The following SDK1 variants were observed in gnomAD, a reference collection of about 807,000 sequenced individuals.
SDK1 encodes protein sidekick-1.
A neutral mutation model predicts 245.5 loss-of-function variants in SDK1; 157 were observed. The observed-to-expected ratio is 0.64, with a 90% CI of 0.56 to 0.73. SDK1 has a LOEUF of 0.73. Ranked by LOEUF, SDK1 falls within the 30% of genes least tolerant of loss-of-function variation. The pLI is 0.00. For missense variants in SDK1, 3,583 were observed against 3,002.3 expected, an observed-to-expected ratio of 1.19 and a Z score of -4.52; for synonymous variants, 1,647 against 1,278.5, an observed-to-expected ratio of 1.29 and a Z score of -6.15.
intron 20 of SDK1, among the ~76,000 whole-genome samples, chr7:4,073,991 C>T (rs1204847025): frequency 2.0e-5 from 3 of 152,136 alleles, no homozygotes; most frequent in African/African-American, 7.2e-5. Context: ...CACAGTCTTC[C>T]CGGACATCGC....
chr7:3,713,612 A>C (rs111624250), intron 4 of SDK1, among the ~76,000 whole-genome samples: 132 of 152,302 alleles, frequency 8.7e-4, no homozygotes, highest in African/African-American at 3.2e-3. Context: ...CTTTTCAAGA[A>C]TACGTCAGTT....
intron 1 of SDK1, among the ~76,000 whole-genome samples, chr7:3,550,101 T>C (rs1779351296): frequency 6.6e-6 from 1 of 152,132 alleles, no homozygotes; most frequent in African/African-American, 2.4e-5. Context: ...ATCATATACA[T>C]GGGCATGCAT....
rs1260655992 is a variant in SDK1 at position 4,106,407 on chromosome 7, C to T, written c.3325-4256C>T. ...TAAGCTCTGCCTCCTGGGTTCATGC[C>T]ATTCTCCTGCCTCAGCCTCCCAAGT... is the stretch of plus-strand genomic sequence containing the variant. On this transcript the variant is annotated intron_variant, in intron 22 of 44. Coordinates refer to ENST00000404826, the MANE Select transcript of SDK1 (RefSeq NM_152744.4). Among the ~76,000 whole-genome samples the T allele has an allele frequency of 2.0e-5, 3 of 151,748 alleles. No homozygotes were observed. In the East Asian group the frequency reaches 5.8e-4, roughly 29 times the overall value.
chr7:3,957,436 C>T (rs551744105), intron 7 of SDK1, among the ~76,000 whole-genome samples: 1 of 152,320 alleles, frequency 6.6e-6, no homozygotes, highest in East Asian at 1.9e-4. Context: ...TTCAGTGTTA[C>T]AGTGTTACTT....
In SDK1 at chr7:3,776,237, C is replaced by G. The variant is rs113322500; in HGVS notation, c.714-45213C>G. ...TCTTCAGAAGAGAGAAACTTGTAAG[C>G]AGACATTGTCAATTTGGTGTGCAAA... On this transcript the variant is annotated intron_variant, in intron 4 of 44. Transcript: ENST00000404826. Among the ~76,000 whole-genome samples the G allele has an allele frequency of 6.8e-3, 1,030 of 152,306 alleles. 16 individuals are homozygous for G. The highest frequency in any genetic ancestry group is 0.023 in the African/African-American group (956 of 41,552).
intron 4 of SDK1, among the ~76,000 whole-genome samples, chr7:3,784,616 A>T (rs1296015845): frequency 2.2e-4 from 33 of 152,248 alleles, no homozygotes; most frequent in Non-Finnish European, 2.9e-5. Context: ...AGAAATGGTC[A>T]CATCAGAAAT....
chr7:3,813,143 G>A (rs1779425316), intron 4 of SDK1, among the ~76,000 whole-genome samples: 1 of 150,196 alleles, frequency 6.7e-6, no homozygotes, highest in Admixed American at 6.6e-5. Context: ...TAAGTTTTAG[G>A]GTACATGTGC....
At chr7:4,228,833 C>G (rs980060053) in intron 40 of SDK1, among the ~76,000 whole-genome samples, 1 of 152,136 alleles carries the variant, frequency 6.6e-6, no homozygotes, top group Non-Finnish European at 1.5e-5. Context: ...CCACTGCACC[C>G]GGCCCTTGCT....
intron 5 of SDK1, among the ~76,000 whole-genome samples, chr7:3,903,902 G>A (rs1443603069): frequency 6.6e-6 from 1 of 152,010 alleles, no homozygotes; most frequent in Non-Finnish European, 1.5e-5. Context: ...AAAGAGCCTT[G>A]CACCTCCTAG....
chr7:3,655,320 C>G (rs1344082790), intron 4 of SDK1, among the ~76,000 whole-genome samples: 3 of 150,664 alleles, frequency 2.0e-5, no homozygotes, highest in African/African-American at 7.3e-5. Context: ...GTAATCCCAG[C>G]TACTCGGGAG....
At chr7:4,113,174 T>C (rs926323128) in intron 23 of SDK1, 115 bp from the exon 24 acceptor site, 5 of 1,085,894 alleles carry the variant, frequency 4.6e-6, no homozygotes, top group Non-Finnish European at 5.3e-6. Flanking sequence ...CTTTATGATA[T>C]GAGTAGACAC....
chr7:3,570,750 T>C (rs1341178054), intron 1 of SDK1, among the ~76,000 whole-genome samples: 3 of 152,220 alleles, frequency 2.0e-5, no homozygotes, highest in Non-Finnish European at 4.4e-5. Context: ...TTTACTGCAC[T>C]GATGGGTCCC....
intron 4 of SDK1, among the ~76,000 whole-genome samples, chr7:3,681,343 C>A (rs1006192859): frequency 7.2e-5 from 11 of 152,042 alleles, no homozygotes; most frequent in African/African-American, 2.7e-4. Flanking sequence ...TGTGTGTACA[C>A]CCCAGTGAGT....
At chr7:3,313,864 C>G (rs58843670) in intron 1 of SDK1, among the ~76,000 whole-genome samples, 2,970 of 152,178 alleles carry the variant, frequency 0.02, 102 homozygotes, top group African/African-American at 0.068. Flanking sequence ...CTCTATTTAG[C>G]CATTTCACAA....
chr7:3,489,463 C>G (rs1285017700), intron 1 of SDK1, among the ~76,000 whole-genome samples: 1 of 152,048 alleles, frequency 6.6e-6, no homozygotes, highest in Non-Finnish European at 1.5e-5. Context: ...TATATTTTTA[C>G]CATTTTCTTT....
chr7:3,632,440 T>C (rs1485530294), intron 2 of SDK1, among the ~76,000 whole-genome samples: 1 of 152,192 alleles, frequency 6.6e-6, no homozygotes, highest in Admixed American at 6.5e-5. Context: ...ATGTAGTCAT[T>C]CATGGTATGG....
intron 4 of SDK1, among the ~76,000 whole-genome samples, chr7:3,711,809 G>A (rs780764651): frequency 6.6e-6 from 1 of 152,206 alleles, no homozygotes; most frequent in African/African-American, 2.4e-5. Flanking sequence ...GCTTCTGTAT[G>A]CCTGGAAGCT....
intron 4 of SDK1, among the ~76,000 whole-genome samples, chr7:3,707,605 G>T (rs1490309521): frequency 6.6e-6 from 1 of 152,158 alleles, no homozygotes; most frequent in African/African-American, 2.4e-5. Context: ...TTTGTTCGTT[G>T]ACTTTCTCTC....
chr7:3,895,665 A>G (rs759929257), intron 5 of SDK1, among the ~76,000 whole-genome samples: 26 of 152,226 alleles, frequency 1.7e-4, no homozygotes, highest in Non-Finnish European at 3.1e-4. Context: ...AAGTTGCGTA[A>G]AGTGGATACT....
Sources: gnomAD v4.1 joint callset for allele counts (sites outside exome capture counted in the v4.1 genomes callset) on GRCh38, gnomAD v4.1.1 for gene constraint, MANE v1.5 for transcripts, NCBI Gene and HGNC (gene_info 2026-07-23, HGNC 2026-07-21) for gene names.